The following IFT172 variants were observed in gnomAD, a reference collection of about 807,000 sequenced individuals.
IFT172 encodes the protein intraflagellar transport protein 172 homolog.
In IFT172, 164 loss-of-function variants were observed where a neutral mutation model predicts 248.9. That is an observed-to-expected ratio of 0.66 (90% CI 0.58 to 0.75). The LOEUF is 0.75. IFT172 is among the 30% of genes least tolerant of loss of function. IFT172 has a pLI of 0.00. For synonymous variants in IFT172, 729 were observed against 791.6 expected (o/e 0.92, Z 1.33); for missense variants, 1,950 against 2,192.4 (o/e 0.89, Z 2.21).
chr2:27,473,958 C>T (rs951937422), intron 14 of IFT172, among the ~76,000 whole-genome samples: 1 of 151,922 alleles, frequency 6.6e-6, no homozygotes, highest in Admixed American at 6.6e-5. Flanking sequence ...TAGGCACCCG[C>T]CACCATGCCC....
intron 16 of IFT172, 100 bp downstream of exon 16, chr2:27,470,828 G>T: frequency 8.7e-7 from 1 of 1,150,474 alleles, no homozygotes. Context: ...CAGAGATTAA[G>T]GGTGGTGGAC....
At chr2:27,450,619 C>A (rs950062893) in intron 35 of IFT172, among the ~76,000 whole-genome samples, 1 of 152,170 alleles carries the variant, frequency 6.6e-6, no homozygotes, top group Non-Finnish European at 1.5e-5. Flanking sequence ...AAGACAGAGT[C>A]TTGCTATGTC....
Position 27,485,147 on chromosome 2 carries a change from A to T in IFT172, c.184-17T>A. On this transcript the variant is annotated splice_polypyrimidine_tract_variant and intron_variant, in intron 2 of 47. Transcript: ENST00000260570. Reference sequence around the variant, plus strand: ...CCTGCCATACTAAGAGTTTAAAAAAAAAAAAAGAAAGAAAAAGAAGTAATG... The same window carrying T: ...CCTGCCATACTAAGAGTTTAAAAAATAAAAAAGAAAGAAAAAGAAGTAATG... 6.5e-7 allele frequency: 1 copy of T among 1,534,316 alleles called. No individual in the cohort carries two copies. Among genetic ancestry groups the T allele is most frequent in the Non-Finnish European group, 8.9e-7 (1 of 1,124,158 alleles).
chr2:27,449,018 A>T lies in IFT172; in HGVS notation c.4325T>A (p.Leu1442Gln). 6.3e-7 allele frequency: 1 copy of T among 1,594,528 alleles called. No homozygotes were observed. Residue 1442 changes from leucine (L) to glutamine (Q), a missense_variant, in exon 40 of 48, where the codon CTG becomes CAG. Around this residue, in one of 3 missense-constraint regions of IFT172, gnomAD observed 620 missense variants for 699.0 expected, o/e 0.89. Transcript: ENST00000260570. ...TGCATACAAAGCCACATACTTGTGC[A>T]GAATCTTGTAGTTCTGTACAGGGGT... ...ETATKQNYKI[L>Q]HKYVALYATH...
rs780205001 is a variant in IFT172, at chr2:27,485,376, T to G, written c.167A>C (p.Lys56Thr). The G allele has an allele frequency of 7.4e-6, 12 of 1,614,086 alleles. No individual in the cohort carries two copies. The highest frequency in any genetic ancestry group is 7.6e-6 in the Non-Finnish European group (9 of 1,180,030). Residue 56 changes from lysine to threonine, a missense_variant, in exon 2 of 48, where the codon AAA becomes ACA. This residue lies in a region of IFT172 where 1,166 missense variants were observed against 1,254.1 expected (regional missense o/e 0.93). Coordinates refer to ENST00000260570, the MANE Select transcript of IFT172 (RefSeq NM_015662.3). ...HGERRDKFST[K>T]PADMKYGRKS... Reference sequence around the variant, plus strand: ...ACTGTTTACCTTCATGTCAGCTGGTTTGGTGGAGAATTTATCTCTCCGTTC... The same window carrying G: ...ACTGTTTACCTTCATGTCAGCTGGTGTGGTGGAGAATTTATCTCTCCGTTC...
chr2:27,459,582 AAAGGACCCTTT>A (rs1330252347), intron 24 of IFT172, 60 bp from the exon 25 acceptor site: 13 of 1,607,086 alleles, frequency 8.1e-6, no homozygotes, highest in Non-Finnish European at 1.1e-5. Flanking sequence ...AATGGAGGTA[AAAGGACCCTTT>A]AAGCACACTT....
intron 13 of IFT172, 24 bp from the exon 14 acceptor site, chr2:27,476,750 G>C (rs771953118): frequency 6.9e-7 from 1 of 1,444,256 alleles, no homozygotes; most frequent in Admixed American, 1.7e-5. Context: ...GGTGAGGTAA[G>C]GCAAAATGGG....
chr2:27,445,282 GT>G lies in IFT172; in HGVS notation c.5068+13del, dbSNP rs776071272. The G allele has an allele frequency of 8.1e-6, 13 of 1,605,014 alleles. No homozygotes were observed. The South Asian group carries it at 1.4e-4, about 18-fold the overall frequency. Reference sequence around the variant, plus strand: ...TACCCACCACAGGATCTGGGGTGCTGTAGGCTTCTATACCTGTAATAAGGCA... The same window carrying G: ...TACCCACCACAGGATCTGGGGTGCTGAGGCTTCTATACCTGTAATAAGGCA... On this transcript the variant is annotated intron_variant, in intron 46 of 47. Coordinates refer to ENST00000260570, the MANE Select transcript of IFT172 (RefSeq NM_015662.3). This position sits in a 1 kb window ranked among gnomAD's most constrained non-coding sequence, Gnocchi z 4.4.
In IFT172 at chr2:27,454,353, C is replaced by A; in HGVS notation, c.3530+1G>T. On this transcript the variant is annotated splice_donor_variant, in intron 32 of 47. Transcript: ENST00000260570. LOFTEE classifies it high-confidence loss of function. This position sits in a 1 kb window ranked among gnomAD's most constrained non-coding sequence, Gnocchi z 4.2. ...ATTAAGGAATGTATGGGGTAACTCA[C>A]ATGAGGACTGCCTCCTTGGGTTTAC... 1 of 1,614,228 alleles carries A rather than the reference C, an allele frequency of 6.2e-7. No individual in the cohort carries two copies. Among genetic ancestry groups the A allele is most frequent in the Non-Finnish European group, 8.5e-7 (1 of 1,180,042 alleles).
intron 25 of IFT172, 176 bp downstream of exon 25, chr2:27,459,202 G>T: frequency 1.3e-6 from 1 of 776,378 alleles, no homozygotes; most frequent in Non-Finnish European, 2.0e-6. Context: ...CGATATCTGT[G>T]TCACACTGGA....
At chr2:27,479,252 G>A (rs961580966) in intron 10 of IFT172, among the ~76,000 whole-genome samples, 5 of 152,214 alleles carry the variant, frequency 3.3e-5, no homozygotes, top group East Asian at 1.9e-4. Context: ...TGATCCGCCC[G>A]CCTCGGCCTC....
rs751965696 is a variant in IFT172, at chr2:27,476,721, C to T, written c.1331G>A (p.Arg444His). 130 of 1,611,054 alleles carry T rather than the reference C, an allele frequency of 8.1e-5. No individual in the cohort carries two copies. Among genetic ancestry groups the T allele is most frequent in the Non-Finnish European group, 1.0e-4 (119 of 1,177,586 alleles). ...TCCTCGCTGACACCTCTCATTAATACGAACACTGAAACATGAAGGGTGAGG... is the reference window on the plus strand; with the variant it reads ...TCCTCGCTGACACCTCTCATTAATATGAACACTGAAACATGAAGGGTGAGG... ...EFMNPHLISV[R>H]INERCQRGTE... The change falls in exon 14 of 48, where the codon CGT becomes CAT. Residue 444 changes from arginine (R) to histidine (H), a missense_variant. Arg to His is a conservative substitution (Grantham distance 29). Transcript: ENST00000260570.
chr2:27,473,818 T>G (rs1667770590), intron 14 of IFT172, among the ~76,000 whole-genome samples: 1 of 152,088 alleles, frequency 6.6e-6, no homozygotes, highest in Non-Finnish European at 1.5e-5. Context: ...TTTATTTTTT[T>G]TCCCCCGAGA....
At chr2:27,488,246 C>T (rs1003506915) in intron 1 of IFT172, among the ~76,000 whole-genome samples, 6 of 151,892 alleles carry the variant, frequency 4.0e-5, no homozygotes, top group African/African-American at 1.2e-4. Context: ...CTCCACCTCC[C>T]GGGTTCAAGC....
intron 25 of IFT172, 36 bp from the exon 26 acceptor site, chr2:27,458,904 G>A: frequency 6.2e-7 from 1 of 1,609,716 alleles, no homozygotes; most frequent in Non-Finnish European, 8.5e-7. Flanking sequence ...AAAGGTCAGA[G>A]CAACAGACTT....
chr2:27,479,343 G>T (rs577373746), intron 10 of IFT172, among the ~76,000 whole-genome samples, 166 bp downstream of exon 10: 127 of 152,310 alleles, frequency 8.3e-4, no homozygotes, highest in Non-Finnish European at 1.5e-3. Flanking sequence ...ACTACAGCAG[G>T]AAAGTTACCA....
intron 12 of IFT172, 87 bp downstream of exon 12, chr2:27,477,472 C>T (rs1001941922): frequency 1.3e-5 from 16 of 1,239,718 alleles, no homozygotes; most frequent in Non-Finnish European, 1.7e-5. Context: ...CTGCTGTTTC[C>T]CTATCCCTTG....
chr2:27,469,060 A>T (rs1667345692), intron 16 of IFT172, among the ~76,000 whole-genome samples: 1 of 152,190 alleles, frequency 6.6e-6, no homozygotes, highest in African/African-American at 2.4e-5. Flanking sequence ...ACATGTTCAG[A>T]TAATGAAAAA....
intron 12 of IFT172, 27 bp downstream of exon 12, chr2:27,477,532 G>T: frequency 6.5e-7 from 1 of 1,528,342 alleles, no homozygotes; most frequent in Non-Finnish European, 9.1e-7. Context: ...TTATCAAGAT[G>T]GTGATGGTGA....
Sources: gnomAD v4.1 joint callset for allele counts (sites outside exome capture counted in the v4.1 genomes callset) on GRCh38, gnomAD v4.1.1 for gene constraint, gnomAD v4.1.1 regional missense constraint, Gnocchi (gnomAD v3.1) non-coding constraint, MANE v1.5 for transcripts, NCBI Gene and HGNC (gene_info 2026-07-23, HGNC 2026-07-21) for gene names.